The following IQCM variants were observed in gnomAD, a reference collection of about 807,000 sequenced individuals.
The protein encoded by IQCM is IQ motif containing M.
Under a neutral mutation model 57.6 loss-of-function variants are expected in IQCM, and 45 were observed. The observed-to-expected ratio is 0.78, with a 90% CI of 0.62 to 1.00. The LOEUF is 1.00. IQCM is among the 50% of genes least tolerant of loss of function. The pLI, the probability that IQCM is intolerant of heterozygous loss-of-function variation, is 0.00. For synonymous variants in IQCM, 148 were observed against 158.9 expected, an observed-to-expected ratio of 0.93 and a Z score of 0.51; for missense variants, 468 against 511.6, an observed-to-expected ratio of 0.91 and a Z score of 0.82.
intron 2 of IQCM, among the ~76,000 whole-genome samples, chr4:149,811,235 C>G (rs1482782017): frequency 2.6e-5 from 4 of 152,118 alleles, no homozygotes; most frequent in Non-Finnish European, 5.9e-5. Flanking sequence ...AAAAATTCAT[C>G]TTTGATAGAA....
intron 2 of IQCM, among the ~76,000 whole-genome samples, chr4:149,770,969 G>A (rs1770517970): frequency 6.6e-6 from 1 of 151,992 alleles, no homozygotes; most frequent in African/African-American, 2.4e-5. Context: ...AAGACATCTG[G>A]ACTGGCAAGG....
chr4:149,693,081 C>CA (rs991063703), intron 5 of IQCM, among the ~76,000 whole-genome samples: 2 of 152,186 alleles, frequency 1.3e-5, no homozygotes, highest in African/African-American at 4.8e-5. Flanking sequence ...ATGTGCTCCT[C>CA]AGAGTCCAGC....
At chr4:149,663,666 T>C (rs995296963) in intron 7 of IQCM, among the ~76,000 whole-genome samples, 16 of 152,250 alleles carry the variant, frequency 1.1e-4, no homozygotes, top group African/African-American at 3.8e-4. Context: ...CATTCTCTTC[T>C]AGCCTGGATG....
Position 149,352,027 on chromosome 4 carries a change from A to C in IQCM, c.1430T>G (p.Val477Gly). The C allele has an allele frequency of 2.5e-6, 1 of 398,942 alleles. No individual in the cohort carries two copies. The highest frequency in any genetic ancestry group is 4.4e-6 in the Non-Finnish European group (1 of 226,016). 24.7% of individuals were successfully genotyped at this position (398,942 alleles called of 1,614,324 possible). The part of the protein sequence containing the change: ...HPALKRANIR[V>G]VGKLVARSIR... ...GGATCGGGCCACCAACTTTCCAACA[A>C]CCCGGATGTTAGCTCGTTTGAGTGC... Residue 477 changes from valine to glycine, a missense_variant, in exon 14 of 14, where the codon GTT becomes GGT. Coordinates refer to ENST00000636793, the MANE Select transcript of IQCM (RefSeq NM_001363507.2).
intron 12 of IQCM, among the ~76,000 whole-genome samples, chr4:149,435,059 C>T (rs1735219683): frequency 1.3e-5 from 2 of 152,110 alleles, no homozygotes; most frequent in African/African-American, 4.8e-5. Flanking sequence ...TTGTTCTTTC[C>T]TCAGGTGCTC....
At chr4:149,393,807 C>T (rs1031912757) in intron 13 of IQCM, among the ~76,000 whole-genome samples, 5 of 151,856 alleles carry the variant, frequency 3.3e-5, no homozygotes, top group South Asian at 2.1e-4. Flanking sequence ...ATGAGAATTA[C>T]TTATTATCAA....
intron 2 of IQCM, among the ~76,000 whole-genome samples, chr4:149,771,374 C>T (rs899959640): frequency 6.6e-5 from 10 of 152,004 alleles, no homozygotes; most frequent in African/African-American, 9.7e-5. Flanking sequence ...AAGACAAAGA[C>T]GGCCTTAAAA....
chr4:149,660,024 TAC>T (rs1296652363), intron 7 of IQCM, among the ~76,000 whole-genome samples: 2 of 150,896 alleles, frequency 1.3e-5, no homozygotes, highest in Admixed American at 6.6e-5. Flanking sequence ...CAAAAGAAAC[TAC>T]CATCAGAGTG....
At chr4:149,482,773 A>T (rs978124734) in intron 12 of IQCM, among the ~76,000 whole-genome samples, 6 of 151,424 alleles carry the variant, frequency 4.0e-5, no homozygotes, top group African/African-American at 1.5e-4. Context: ...TTTTGGTATC[A>T]GGGTAATACT....
intron 13 of IQCM, among the ~76,000 whole-genome samples, chr4:149,354,363 C>CACAAAAAAAAAA (rs1728786715): frequency 4.9e-5 from 1 of 20,258 alleles, no homozygotes; most frequent in Non-Finnish European, 8.5e-5. Context: ...GACTCCGTCT[C>CACAAAAAAAAAA]AAAAAAAAAA....
chr4:149,796,838 A>G (rs1773158678), intron 2 of IQCM, among the ~76,000 whole-genome samples: 1 of 152,198 alleles, frequency 6.6e-6, no homozygotes, highest in Non-Finnish European at 1.5e-5. Context: ...ATGATTTTGC[A>G]AGAACCACAG....
rs1180270337 is a variant in IQCM, at chr4:149,733,256, G to C, written c.373C>G (p.Leu125Val). 37 of 1,231,548 alleles carry C rather than the reference G, an allele frequency of 3.0e-5. No individual in the cohort carries two copies. Among genetic ancestry groups the C allele is most frequent in the Non-Finnish European group, 3.5e-5 (35 of 987,654 alleles). 76.3% of individuals were successfully genotyped at this position (1,231,548 alleles called of 1,614,324 possible). Residue 125 changes from leucine (L) to valine (V), a missense_variant, in exon 5 of 14, where the codon CTA becomes GTA. Physicochemically the swap from Leu to Val is conservative, Grantham distance 32. Transcript: ENST00000636793. ...ACCAAAAACTTACCTTTTGTAATTA[G>C]ATCTATGGGCCTGCATCTTTCTCTT... ...SRRERCRPIDLITKGQVKLDK... is the reference protein window; with the variant it reads ...SRRERCRPIDVITKGQVKLDK...
At chr4:149,379,311 G>A (rs940936935) in intron 13 of IQCM, among the ~76,000 whole-genome samples, 1 of 152,104 alleles carries the variant, frequency 6.6e-6, no homozygotes, top group Non-Finnish European at 1.5e-5. Flanking sequence ...TCCCTGAATG[G>A]TAGATCCACC....
chr4:149,386,397 A>C (rs967888855), intron 13 of IQCM, among the ~76,000 whole-genome samples: 10 of 152,108 alleles, frequency 6.6e-5, no homozygotes, highest in Admixed American at 2.0e-4. Context: ...ATCAGTTATC[A>C]ATATTTTGCA....
intron 13 of IQCM, among the ~76,000 whole-genome samples, chr4:149,424,355 A>G (rs1734321791): frequency 1.3e-5 from 2 of 151,876 alleles, no homozygotes; most frequent in South Asian, 4.1e-4. Context: ...ATGTATATTT[A>G]TCAACAAAGA....
At chr4:149,703,186 C>T (rs1406605303) in intron 5 of IQCM, among the ~76,000 whole-genome samples, 1 of 151,864 alleles carries the variant, frequency 6.6e-6, no homozygotes, top group African/African-American at 2.4e-5. Flanking sequence ...TGTTTAGCAG[C>T]CACAGATAAT....
At chr4:149,594,273 A>G (rs1335234220) in intron 8 of IQCM, among the ~76,000 whole-genome samples, 2 of 152,108 alleles carry the variant, frequency 1.3e-5, no homozygotes, top group Non-Finnish European at 2.9e-5. Flanking sequence ...CTCTGATGGC[A>G]GTCTGTATTT....
In IQCM at chr4:149,352,031, G is replaced by A. The variant is rs1013397059; in HGVS notation, c.1426C>T (p.Arg476Trp). 54 of 398,800 alleles carry A rather than the reference G, an allele frequency of 1.4e-4. No homozygotes were observed. The highest frequency in any genetic ancestry group is 7.0e-4 in the African/African-American group (34 of 48,696). 24.7% of individuals were successfully genotyped at this position (398,800 alleles called of 1,614,324 possible). A position where few individuals can be genotyped will look rare whatever the true frequency, so the allele number is the denominator to read the frequency against. The change falls in exon 14 of 14, where the codon CGG becomes TGG. Residue 476 changes from arginine to tryptophan, a missense_variant. By Grantham distance (101) the Arg-to-Trp change is moderately radical. Coordinates refer to ENST00000636793, the MANE Select transcript of IQCM (RefSeq NM_001363507.2). Reference protein sequence around the residue: ...GHPALKRANIRVVGKLVARSI... With the variant: ...GHPALKRANIWVVGKLVARSI... ...CGGGCCACCAACTTTCCAACAACCC[G>A]GATGTTAGCTCGTTTGAGTGCTGGA...
chr4:149,640,597 A>G (rs1758096056), intron 7 of IQCM, among the ~76,000 whole-genome samples: 1 of 152,054 alleles, frequency 6.6e-6, no homozygotes, highest in African/African-American at 2.4e-5. Context: ...TTCCTTCTGG[A>G]CTGCTTAAAT....
Sources: gnomAD v4.1 joint callset for allele counts (sites outside exome capture counted in the v4.1 genomes callset) on GRCh38, gnomAD v4.1.1 for gene constraint, MANE v1.5 for transcripts, NCBI Gene and HGNC (gene_info 2026-07-23, HGNC 2026-07-21) for gene names.